The following BRIP1 variants were observed in gnomAD, a reference collection of about 807,000 sequenced individuals.
The protein encoded by BRIP1 is BRCA1 interacting DNA helicase 1.
Under a neutral mutation model 119.7 loss-of-function variants are expected in BRIP1, and 88 were observed. The observed-to-expected ratio is 0.74, with a 90% CI of 0.62 to 0.88. BRIP1 has a LOEUF of 0.88. BRIP1 is among the 40% of genes least tolerant of loss of function. The pLI is 0.00. For synonymous variants in BRIP1, 443 were observed against 496.5 expected (o/e 0.89, Z 1.43); for missense variants, 1,259 against 1,455.4 (o/e 0.87, Z 2.20).
chr17:61,697,438 C>T (rs1336145087), intron 17 of BRIP1, among the ~76,000 whole-genome samples: 1 of 140,484 alleles, frequency 7.1e-6, no homozygotes, highest in African/African-American at 2.6e-5. Context: ...TCCATTTAAT[C>T]TAAGTTATTT....
chr17:61,687,155 G>A lies in BRIP1; in HGVS notation c.2576-990C>T, dbSNP rs981647193. On this transcript the variant is annotated intron_variant, in intron 18 of 19. Transcript: ENST00000259008. This position sits in a 1 kb window ranked among gnomAD's most constrained non-coding sequence, Gnocchi z 5.1. ...TTGGGGAGGCTGAGGTGGGAAGATT[G>A]CTTGAGGCCAGGAGTTCAAGGTTTC... Among the ~76,000 whole-genome samples the A allele has an allele frequency of 6.6e-6, 1 of 152,086 alleles. No individual in the cohort carries two copies. Among genetic ancestry groups the A allele is most frequent in the African/African-American group, 2.4e-5 (1 of 41,410 alleles).
In BRIP1 at chr17:61,761,015, T is replaced by C. The variant is rs1285753449; in HGVS notation, c.2097+15386A>G. Among the ~76,000 whole-genome samples, 1 of 151,968 alleles carries C rather than the reference T, an allele frequency of 6.6e-6. No homozygotes were observed. ...AAAGCAAAAATCCTCAACAAAATAC[T>C]AGCAAACCAAATTCAACAACACATT... On this transcript the variant is annotated intron_variant, in intron 14 of 19. Transcript: ENST00000259008. The surrounding 1 kb of genome is among the most constrained non-coding windows in gnomAD (Gnocchi z 6.4).
At chr17:61,728,309 A>G (rs1274090779) in intron 16 of BRIP1, among the ~76,000 whole-genome samples, 1 of 150,078 alleles carries the variant, frequency 6.7e-6, no homozygotes, top group Non-Finnish European at 1.5e-5. Flanking sequence ...TGATTTCAAT[A>G]AGTCAAAAAA....
intron 6 of BRIP1, among the ~76,000 whole-genome samples, chr17:61,817,999 T>C (rs1018794295): frequency 6.6e-6 from 1 of 152,176 alleles, no homozygotes; most frequent in Non-Finnish European, 1.5e-5. Flanking sequence ...AGATTTTTTT[T>C]TGGGTAATCT....
chr17:61,715,814 T>C (rs2061850306), intron 17 of BRIP1, 137 bp downstream of exon 17: 3 of 514,010 alleles, frequency 5.8e-6, no homozygotes, highest in Admixed American at 3.6e-5. Context: ...ACAGCTATCA[T>C]TGAATACATA....
rs1194532859 is a variant in BRIP1, at chr17:61,691,217, C to T, written c.2575+2213G>A. ...AACCTGCACGTTGTGCACATGTACC[C>T]TAGAACTTAAAGTATAATAATAAAA... On this transcript the variant is annotated intron_variant, in intron 18 of 19. Coordinates refer to ENST00000259008, the MANE Select transcript of BRIP1 (RefSeq NM_032043.3). This position sits in a 1 kb window ranked among gnomAD's most constrained non-coding sequence, Gnocchi z 5.0. 6.6e-6 allele frequency among the ~76,000 whole-genome samples: 1 copy of T among 151,174 alleles called. No homozygotes were observed. Among genetic ancestry groups the T allele is most frequent in the Non-Finnish European group, 1.5e-5 (1 of 67,848 alleles).
At chr17:61,854,280 G>GA (rs1013933664) in intron 4 of BRIP1, among the ~76,000 whole-genome samples, 1 of 151,262 alleles carries the variant, frequency 6.6e-6, no homozygotes, top group Admixed American at 6.6e-5. Flanking sequence ...CTATCTCCAG[G>GA]AAAAAAGAAT....
At position 61,846,196 on chromosome 17, in the gene BRIP1, A is replaced by C. The variant is rs950979864; in HGVS notation, c.627+905T>G. On this transcript the variant is annotated intron_variant, in intron 6 of 19. Coordinates refer to ENST00000259008, the MANE Select transcript of BRIP1 (RefSeq NM_032043.3). This position sits in a 1 kb window ranked among gnomAD's most constrained non-coding sequence, Gnocchi z 4.3. ...ATACTCCGTCTCAAAAAAAAATTAAAATAAATAAATTTAAAAAATTATATA... is the reference window on the plus strand; with the variant it reads ...ATACTCCGTCTCAAAAAAAAATTAACATAAATAAATTTAAAAAATTATATA... 7.9e-5 allele frequency among the ~76,000 whole-genome samples: 12 copies of C among 151,700 alleles called. No individual in the cohort carries two copies. The highest frequency in any genetic ancestry group is 1.5e-5 in the Non-Finnish European group (1 of 67,946).
At position 61,755,238 on chromosome 17, in the gene BRIP1, T is replaced by G. The variant is rs1230969438; in HGVS notation, c.2098-10647A>C. The stretch of plus-strand genomic sequence containing the variant: ...AGAGTAGGGAGGGGTAAAACATAAC[T>G]GTAAAACCAGATGCCCAAGTCCTTA... On this transcript the variant is annotated intron_variant, in intron 14 of 19. Coordinates refer to ENST00000259008, the MANE Select transcript of BRIP1 (RefSeq NM_032043.3). This position sits in a 1 kb window ranked among gnomAD's most constrained non-coding sequence, Gnocchi z 4.5. Among the ~76,000 whole-genome samples the G allele has an allele frequency of 6.6e-6, 1 of 152,036 alleles. No homozygotes were observed. Among genetic ancestry groups the G allele is most frequent in the Non-Finnish European group, 1.5e-5 (1 of 68,000 alleles).
Position 61,730,465 on chromosome 17 carries a change from A to T in BRIP1, c.2379+12548T>A, listed in dbSNP as rs1028102978. ...GCTGCTGATTATGCTCCATGCCAAC[A>T]TAAGTAGGTAAGTGTCAATCAACCT... On this transcript the variant is annotated intron_variant, in intron 16 of 19. Transcript: ENST00000259008. The surrounding 1 kb of genome is among the most constrained non-coding windows in gnomAD (Gnocchi z 4.3). 1.3e-5 allele frequency among the ~76,000 whole-genome samples: 2 copies of T among 152,198 alleles called. No individual in the cohort carries two copies. Among genetic ancestry groups the T allele is most frequent in the East Asian group, 1.9e-4 (1 of 5,200 alleles).
In BRIP1 at chr17:61,799,275, C is replaced by T. The variant is rs587780825; in HGVS notation, c.1165G>A (p.Val389Ile). 2 of 1,612,782 alleles carry T rather than the reference C, an allele frequency of 1.2e-6. No individual in the cohort carries two copies. Among genetic ancestry groups the T allele is most frequent in the Non-Finnish European group, 1.7e-6 (2 of 1,179,106 alleles). ...TTATGAGCTTCATCTAAAATGACAACCTGTTCTTTCAGATTTAAATCCATC... is the reference window on the plus strand; with the variant it reads ...TTATGAGCTTCATCTAAAATGACAATCTGTTCTTTCAGATTTAAATCCATC... ...ESMDLNLKEQVVILDEAHNIE... is the reference protein window; with the variant it reads ...ESMDLNLKEQIVILDEAHNIE... Residue 389 changes from valine to isoleucine, a missense_variant, in exon 9 of 20, where the codon GTT becomes ATT. By Grantham distance (29) the Val-to-Ile change is conservative. Transcript: ENST00000259008. This position sits in a 1 kb window ranked among gnomAD's most constrained non-coding sequence, Gnocchi z 5.1.
Position 61,853,597 on chromosome 17 carries a change from T to C in BRIP1, c.379+3461A>G, listed in dbSNP as rs780470116. Among the ~76,000 whole-genome samples the C allele has an allele frequency of 9.9e-5, 15 of 152,184 alleles. No individual in the cohort carries two copies. The highest frequency in any genetic ancestry group is 1.9e-4 in the Non-Finnish European group (13 of 68,016). ...ATGTCAAAATCAAGTTGTGTACATA[T>C]GGATAACTCATTGTTGATAAAGACA... On this transcript the variant is annotated intron_variant, in intron 4 of 19. Coordinates refer to ENST00000259008, the MANE Select transcript of BRIP1 (RefSeq NM_032043.3). The surrounding 1 kb of genome is among the most constrained non-coding windows in gnomAD (Gnocchi z 4.3).
At position 61,760,060 on chromosome 17, in the gene BRIP1, CAA is replaced by C. The variant is rs764455803; in HGVS notation, c.2098-15471_2098-15470del. Among the ~76,000 whole-genome samples the C allele has an allele frequency of 2.6e-5, 4 of 151,882 alleles. No individual in the cohort carries two copies. Among genetic ancestry groups the C allele is most frequent in the African/African-American group, 9.7e-5 (4 of 41,388 alleles). On this transcript the variant is annotated intron_variant, in intron 14 of 19. Coordinates refer to ENST00000259008, the MANE Select transcript of BRIP1 (RefSeq NM_032043.3). This position sits in a 1 kb window ranked among gnomAD's most constrained non-coding sequence, Gnocchi z 4.6. ...TATTAGGCCATGAAACAAGTTTTAA[CAA>C]ATTTAAGTTTGTTATCATATCAAGT...
chr17:61,845,504 A>T lies in BRIP1; in HGVS notation c.627+1597T>A, dbSNP rs2078714858. 6.6e-6 allele frequency among the ~76,000 whole-genome samples: 1 copy of T among 152,202 alleles called. No homozygotes were observed. Among genetic ancestry groups the T allele is most frequent in the African/African-American group, 2.4e-5 (1 of 41,450 alleles). On this transcript the variant is annotated intron_variant, in intron 6 of 19. Transcript: ENST00000259008. This position sits in a 1 kb window ranked among gnomAD's most constrained non-coding sequence, Gnocchi z 4.2. ...AAAGTCATATTCTGTAATATCACCA[A>T]TTTCATCAGAAAAGTCTGTAGTTAT...
rs1055549521 is a variant in BRIP1, at chr17:61,725,586, T to C, written c.2380-9523A>G. On this transcript the variant is annotated intron_variant, in intron 16 of 19. Coordinates refer to ENST00000259008, the MANE Select transcript of BRIP1 (RefSeq NM_032043.3). The surrounding 1 kb of genome is among the most constrained non-coding windows in gnomAD (Gnocchi z 5.3). Reference sequence around the variant, plus strand: ...AATACTCTAAGACATGCAAGAAATCTTAGCATGCTTATTCTGTAAAGGGCT... The same window carrying C: ...AATACTCTAAGACATGCAAGAAATCCTAGCATGCTTATTCTGTAAAGGGCT... Among the ~76,000 whole-genome samples, 3 of 152,176 alleles carry C rather than the reference T, an allele frequency of 2.0e-5. No homozygotes were observed.
In BRIP1 at chr17:61,807,572, T is replaced by C. The variant is rs957639113; in HGVS notation, c.918+895A>G. On this transcript the variant is annotated intron_variant, in intron 7 of 19. Transcript: ENST00000259008. This position sits in a 1 kb window ranked among gnomAD's most constrained non-coding sequence, Gnocchi z 4.5. ...ATAAAACAAAATAATTCACATTATATGGTAGGGGGTGATATATCAATGAAA... is the reference window on the plus strand; with the variant it reads ...ATAAAACAAAATAATTCACATTATACGGTAGGGGGTGATATATCAATGAAA... Among the ~76,000 whole-genome samples, 5 of 152,092 alleles carry C rather than the reference T, an allele frequency of 3.3e-5. No homozygotes were observed. The highest frequency in any genetic ancestry group is 7.2e-5 in the African/African-American group (3 of 41,418).
In BRIP1 at chr17:61,689,855, A is replaced by T. The variant is rs1246346797; in HGVS notation, c.2575+3575T>A. ...GTGAGACCCCATCTCTACAAAAAAA[A>T]TTAAAAATTAGCCAGGTCTGGTGGT... On this transcript the variant is annotated intron_variant, in intron 18 of 19. Coordinates refer to ENST00000259008, the MANE Select transcript of BRIP1 (RefSeq NM_032043.3). This position sits in a 1 kb window ranked among gnomAD's most constrained non-coding sequence, Gnocchi z 4.5. 1.3e-5 allele frequency among the ~76,000 whole-genome samples: 2 copies of T among 152,138 alleles called. No homozygotes were observed. The highest frequency in any genetic ancestry group is 4.8e-5 in the African/African-American group (2 of 41,440).
At position 61,770,009 on chromosome 17, in the gene BRIP1, G is replaced by GA. The variant is rs1253880042; in HGVS notation, c.2097+6391dup. Among the ~76,000 whole-genome samples the GA allele has an allele frequency of 2.6e-5, 4 of 151,968 alleles. No homozygotes were observed. The highest frequency in any genetic ancestry group is 6.6e-5 in the Admixed American group (1 of 15,234). ...CCCTACTGTTTCGGGCAGGAGGAGG[G>GA]AAAAAAACAACCATTTTGAAATACG... On this transcript the variant is annotated intron_variant, in intron 14 of 19. Coordinates refer to ENST00000259008, the MANE Select transcript of BRIP1 (RefSeq NM_032043.3). This position sits in a 1 kb window ranked among gnomAD's most constrained non-coding sequence, Gnocchi z 4.7.
Position 61,703,852 on chromosome 17 carries a change from C to A in BRIP1, c.2493-10340G>T, listed in dbSNP as rs140918723. ...GGGTCCAGTTTCAATCTTCTGCTTACGGCTAGCCAGTTAGGTCCCACTTGT... is the reference window on the plus strand; with the variant it reads ...GGGTCCAGTTTCAATCTTCTGCTTAAGGCTAGCCAGTTAGGTCCCACTTGT... On this transcript the variant is annotated intron_variant, in intron 17 of 19. Coordinates refer to ENST00000259008, the MANE Select transcript of BRIP1 (RefSeq NM_032043.3). The surrounding 1 kb of genome is among the most constrained non-coding windows in gnomAD (Gnocchi z 5.0). Among the ~76,000 whole-genome samples, 6 of 152,076 alleles carry A rather than the reference C, an allele frequency of 3.9e-5. No homozygotes were observed. The highest frequency in any genetic ancestry group is 1.4e-4 in the African/African-American group (6 of 41,426).
Sources: gnomAD v4.1 joint callset for allele counts (sites outside exome capture counted in the v4.1 genomes callset) on GRCh38, gnomAD v4.1.1 for gene constraint, Gnocchi (gnomAD v3.1) non-coding constraint, MANE v1.5 for transcripts, NCBI Gene and HGNC (gene_info 2026-07-23, HGNC 2026-07-21) for gene names.